Variants in MACROD2 observed in about 807,000 individuals in gnomAD.
The protein encoded by MACROD2 is ADP-ribose glycohydrolase MACROD2.
A neutral mutation model predicts 70.4 loss-of-function variants in MACROD2; 36 were observed. That is an observed-to-expected ratio of 0.51 (90% CI 0.39 to 0.68). The LOEUF (loss-of-function observed/expected upper bound fraction) is 0.68. Ranked by LOEUF, MACROD2 falls within the 30% of genes least tolerant of loss-of-function variation. MACROD2 has a pLI of 0.00. For synonymous variants in MACROD2, 172 were observed against 178.8 expected, an observed-to-expected ratio of 0.96 and a Z score of 0.30; for missense variants, 496 against 538.4, an observed-to-expected ratio of 0.92 and a Z score of 0.78.
At chr20:14,635,630 A>G (rs1430918806) in intron 4 of MACROD2, among the ~76,000 whole-genome samples, 2 of 152,176 alleles carry the variant, frequency 1.3e-5, no homozygotes, top group African/African-American at 2.4e-5. Flanking sequence ...TGTATTTGTC[A>G]TTTACAAAGA....
chr20:13,998,938 G>A (rs1403392443), intron 1 of MACROD2, among the ~76,000 whole-genome samples: 1 of 140,408 alleles, frequency 7.1e-6, no homozygotes, highest in Non-Finnish European at 1.5e-5. Context: ...CTGAATGACA[G>A]AGCAAGACTC....
rs2047276927 is a variant in MACROD2 at position 15,494,828 on chromosome 20, GTAAA to G, written c.572-4942_572-4939del. On this transcript the variant is annotated intron_variant, in intron 7 of 17. Coordinates refer to ENST00000684519, the MANE Select transcript of MACROD2 (RefSeq NM_001351661.2). ...ATTTGCAAGCACTTTCAATACAAAAGTAAATAAGAAAAAAATCATTTATTTATCG... is the reference window on the plus strand; with the variant it reads ...ATTTGCAAGCACTTTCAATACAAAAGTAAGAAAAAAATCATTTATTTATCG... Among the ~76,000 whole-genome samples the G allele has an allele frequency of 2.0e-5, 3 of 151,308 alleles. No homozygotes were observed. In the South Asian group the frequency reaches 6.3e-4, roughly 32 times the overall value.
At chr20:15,056,205 C>T (rs2075484322) in intron 5 of MACROD2, among the ~76,000 whole-genome samples, 1 of 152,192 alleles carries the variant, frequency 6.6e-6, no homozygotes, top group Non-Finnish European at 1.5e-5. Flanking sequence ...GAGCACTCTT[C>T]TCTCATGAAA....
At chr20:15,112,616 T>TA (rs919190176) in intron 5 of MACROD2, among the ~76,000 whole-genome samples, 4 of 152,132 alleles carry the variant, frequency 2.6e-5, no homozygotes, top group Non-Finnish European at 5.9e-5. Context: ...CCTGTGATCT[T>TA]AAAAAAAGTT....
At chr20:15,242,357 C>A (rs1170746770) in intron 6 of MACROD2, among the ~76,000 whole-genome samples, 1 of 152,194 alleles carries the variant, frequency 6.6e-6, no homozygotes, top group Non-Finnish European at 1.5e-5. Context: ...GTTAAACCAG[C>A]CATACATTCC....
chr20:15,297,006 G>A (rs2077595904), intron 6 of MACROD2, among the ~76,000 whole-genome samples: 1 of 152,162 alleles, frequency 6.6e-6, no homozygotes, highest in African/African-American at 2.4e-5. Context: ...TCATTTCCCT[G>A]GTCCCCTGGA....
intron 8 of MACROD2, among the ~76,000 whole-genome samples, chr20:15,643,249 T>G (rs1314330972): frequency 6.6e-6 from 1 of 152,196 alleles, no homozygotes; most frequent in African/African-American, 2.4e-5. Context: ...TGCTGTAGCC[T>G]GGAAGGCTTA....
chr20:14,520,747 T>G (rs1451078381), intron 4 of MACROD2, among the ~76,000 whole-genome samples: 2 of 152,194 alleles, frequency 1.3e-5, no homozygotes, highest in Admixed American at 1.3e-4. Flanking sequence ...CCTTTGTACC[T>G]TTACCATTTC....
intron 9 of MACROD2, among the ~76,000 whole-genome samples, chr20:15,868,655 T>C (rs1191036456): frequency 6.6e-6 from 1 of 151,488 alleles, no homozygotes; most frequent in Non-Finnish European, 1.5e-5. Context: ...AAACTTACCT[T>C]GTGAGCTCAC....
At chr20:15,211,523 C>T (rs1246018732) in intron 5 of MACROD2, among the ~76,000 whole-genome samples, 2 of 152,096 alleles carry the variant, frequency 1.3e-5, no homozygotes, top group African/African-American at 2.4e-5. Flanking sequence ...GTGCCGTCCT[C>T]ACAGTAATGA....
At chr20:14,998,996 A>T (rs2074972408) in intron 5 of MACROD2, among the ~76,000 whole-genome samples, 1 of 152,238 alleles carries the variant, frequency 6.6e-6, no homozygotes, top group South Asian at 2.1e-4. Flanking sequence ...AAAGTGCTGA[A>T]GGCAAAAAGC....
intron 8 of MACROD2, among the ~76,000 whole-genome samples, chr20:15,747,729 A>G (rs1488047786): frequency 6.6e-6 from 1 of 152,060 alleles, no homozygotes; most frequent in East Asian, 1.9e-4. Flanking sequence ...GGAGATGATC[A>G]TAGCATGTAT....
At chr20:14,275,273 CCAAA>C (rs1433961326) in intron 3 of MACROD2, among the ~76,000 whole-genome samples, 1 of 152,074 alleles carries the variant, frequency 6.6e-6, no homozygotes, top group South Asian at 2.1e-4. Flanking sequence ...GTACTGGTAC[CCAAA>C]CAGAGATATA....
intron 8 of MACROD2, among the ~76,000 whole-genome samples, chr20:15,856,408 T>C (rs1250301964): frequency 6.6e-6 from 1 of 152,210 alleles, no homozygotes; most frequent in East Asian, 1.9e-4. Flanking sequence ...CTTTTGTTTT[T>C]CTTTTTTATA....
intron 4 of MACROD2, among the ~76,000 whole-genome samples, chr20:14,681,150 G>T (rs1254875455): frequency 6.6e-6 from 1 of 152,136 alleles, no homozygotes; most frequent in Non-Finnish European, 1.5e-5. Context: ...GCCAAAATTT[G>T]AACTCTCTTA....
intron 5 of MACROD2, among the ~76,000 whole-genome samples, chr20:15,132,032 T>C (rs1412574516): frequency 6.6e-6 from 1 of 151,858 alleles, no homozygotes; most frequent in Non-Finnish European, 1.5e-5. Context: ...AACAATAAGG[T>C]AAACAGTTAA....
chr20:14,240,136 G>A (rs184716227), intron 3 of MACROD2, among the ~76,000 whole-genome samples: 1 of 152,234 alleles, frequency 6.6e-6, no homozygotes, highest in African/African-American at 2.4e-5. Context: ...ACCACAATGA[G>A]ATACCATCTT....
chr20:14,186,050 A>G lies in MACROD2; in HGVS notation c.271+100322A>G, dbSNP rs77983813. Among the ~76,000 whole-genome samples the G allele has an allele frequency of 5.4e-4, 82 of 152,258 alleles. 1 individual carries two copies. The East Asian group carries it at 0.015, about 28-fold the overall frequency. Reference sequence around the variant, plus strand: ...ACCAGCCTTTCTTCCCCAGGTGTATAGCTCTATCCCTGGCCTTTTTGATGC... The same window carrying G: ...ACCAGCCTTTCTTCCCCAGGTGTATGGCTCTATCCCTGGCCTTTTTGATGC... On this transcript the variant is annotated intron_variant, in intron 3 of 17. Coordinates refer to ENST00000684519, the MANE Select transcript of MACROD2 (RefSeq NM_001351661.2).
At chr20:15,961,273 A>G (rs913268188) in intron 12 of MACROD2, among the ~76,000 whole-genome samples, 4 of 152,164 alleles carry the variant, frequency 2.6e-5, no homozygotes, top group African/African-American at 9.7e-5. Context: ...TGTCAGGAAT[A>G]AATTGATGTT....
Sources: allele counts gnomAD v4.1 joint callset (sites outside exome capture counted in the v4.1 genomes callset), GRCh38; gene constraint gnomAD v4.1.1; transcripts MANE v1.5; gene names NCBI Gene and HGNC (gene_info 2026-07-23, HGNC 2026-07-21).